The following GRIK1 variants were observed in gnomAD, a reference collection of about 807,000 sequenced individuals.
The protein encoded by GRIK1 is glutamate ionotropic receptor kainate type subunit 1.
A neutral mutation model predicts 105.7 loss-of-function variants in GRIK1; 69 were observed. That is an observed-to-expected ratio of 0.65 (90% CI 0.54 to 0.80). The LOEUF is 0.80. Ranked by LOEUF, GRIK1 falls within the 30% of genes least tolerant of loss-of-function variation. GRIK1 has a pLI of 0.00. For missense variants in GRIK1, 1,109 were observed against 1,167.3 expected, an observed-to-expected ratio of 0.95 and a Z score of 0.73; for synonymous variants, 438 against 431.3, an observed-to-expected ratio of 1.02 and a Z score of -0.19.
intron 4 of GRIK1, 51 bp from the exon 5 acceptor site, chr21:29,654,914 A>ATTC: frequency 9.3e-7 from 1 of 1,071,926 alleles, no homozygotes; most frequent in Non-Finnish European, 1.5e-6. Context: ...TATAATAAGA[A>ATTC]TGGGATAATT....
intron 1 of GRIK1, among the ~76,000 whole-genome samples, chr21:29,754,937 A>G (rs1331825339): frequency 2.0e-5 from 3 of 151,752 alleles, no homozygotes; most frequent in African/African-American, 7.3e-5. Flanking sequence ...AATTCTTTGT[A>G]CTCTATCTAT....
intron 4 of GRIK1, among the ~76,000 whole-genome samples, chr21:29,660,728 G>A (rs549015893): frequency 1.3e-5 from 2 of 152,242 alleles, no homozygotes; most frequent in African/African-American, 2.4e-5. Context: ...TACTGACTAA[G>A]CCGAAGTGTA....
intron 1 of GRIK1, among the ~76,000 whole-genome samples, chr21:29,774,360 A>G (rs551492354): frequency 2.0e-5 from 3 of 152,014 alleles, no homozygotes; most frequent in African/African-American, 7.2e-5. Flanking sequence ...TTATGAGAGT[A>G]TATCACAGTT....
intron 1 of GRIK1, among the ~76,000 whole-genome samples, chr21:29,757,000 C>G (rs1477196874): frequency 6.6e-6 from 1 of 151,952 alleles, no homozygotes; most frequent in East Asian, 1.9e-4. Context: ...GCCTGTAATC[C>G]CAGCTACTTG....
At chr21:29,739,141 C>T (rs1159208640) in intron 1 of GRIK1, among the ~76,000 whole-genome samples, 1 of 152,104 alleles carries the variant, frequency 6.6e-6, no homozygotes, top group Non-Finnish European at 1.5e-5. Flanking sequence ...TAATGACAGG[C>T]AGTGAAAAGT....
rs545076345 is a variant in GRIK1 at position 29,808,995 on chromosome 21, C to T, written c.119-114932G>A. 6.6e-5 allele frequency among the ~76,000 whole-genome samples: 10 copies of T among 152,278 alleles called. No individual in the cohort carries two copies. The South Asian group carries it at 2.1e-3, about 32-fold the overall frequency. Reference sequence around the variant, plus strand: ...TTTAATAATTGGCTTTTCTCTCCATCCTTGACAATTTTTTCCCTCAAGTCA... The same window carrying T: ...TTTAATAATTGGCTTTTCTCTCCATTCTTGACAATTTTTTCCCTCAAGTCA... On this transcript the variant is annotated intron_variant, in intron 1 of 17. Transcript: ENST00000327783.
At chr21:29,915,184 AC>A (rs1270849081) in intron 1 of GRIK1, among the ~76,000 whole-genome samples, 12,800 of 144,738 alleles carry the variant, frequency 0.088, 1,574 homozygotes, top group African/African-American at 0.3. Context: ...ATGAATCCAG[AC>A]ACACACACAC....
chr21:29,642,851 G>T lies in GRIK1; in HGVS notation c.1073C>A (p.Pro358His). ...CHRHKPWRLG[P>H]RFMNLIKEAR... ...CTCTTTGATCAGGTTCATAAATCTG[G>T]GTCCGAGGCGCCATGGCTTATGTCT... The change falls in exon 7 of 18, where the codon CCC (proline) becomes CAC (histidine). Residue 358 changes from proline (P) to histidine (H), a missense_variant. Physicochemically the swap from Pro to His is moderately conservative, Grantham distance 77. This residue lies in a region of GRIK1 where 612 missense variants were observed against 586.0 expected (regional missense o/e 1.04). Transcript: ENST00000327783. 6.2e-7 allele frequency: 1 copy of T among 1,614,116 alleles called. No individual in the cohort carries two copies. The highest frequency in any genetic ancestry group is 8.5e-7 in the Non-Finnish European group (1 of 1,179,956).
chr21:29,746,370 A>C (rs1308325743), intron 1 of GRIK1, among the ~76,000 whole-genome samples: 4 of 152,248 alleles, frequency 2.6e-5, no homozygotes. Context: ...AAAACAGTGT[A>C]AGGGCAAGGA....
At chr21:29,663,317 T>C (rs1262284543) in intron 4 of GRIK1, among the ~76,000 whole-genome samples, 1 of 152,206 alleles carries the variant, frequency 6.6e-6, no homozygotes, top group Non-Finnish European at 1.5e-5. Context: ...CAAAGCTTTA[T>C]CTTAAGTAGG....
At chr21:29,790,864 C>T (rs1295585477) in intron 1 of GRIK1, among the ~76,000 whole-genome samples, 1 of 152,164 alleles carries the variant, frequency 6.6e-6, no homozygotes, top group Non-Finnish European at 1.5e-5. Context: ...CATTGCTTCA[C>T]GGAATTTACA....
intron 3 of GRIK1, among the ~76,000 whole-genome samples, chr21:29,683,384 T>A (rs2063419002): frequency 6.6e-6 from 1 of 152,220 alleles, no homozygotes; most frequent in Non-Finnish European, 1.5e-5. Flanking sequence ...TAGATGCCCA[T>A]CAGTGGTGGA....
chr21:29,837,981 G>T (rs959348673), intron 1 of GRIK1, among the ~76,000 whole-genome samples: 1 of 152,116 alleles, frequency 6.6e-6, no homozygotes, highest in Non-Finnish European at 1.5e-5. Context: ...AAAGGGAATA[G>T]GTTTGATTAT....
chr21:29,557,964 G>A (rs543347536), intron 15 of GRIK1, among the ~76,000 whole-genome samples: 13 of 152,266 alleles, frequency 8.5e-5, no homozygotes, highest in East Asian at 1.9e-4. Flanking sequence ...TCCAGGCTGC[G>A]CAATACCTAA....
chr21:29,705,873 C>CTTTTTTTTT (rs1325677911), intron 1 of GRIK1, among the ~76,000 whole-genome samples: 6 of 135,730 alleles, frequency 4.4e-5, no homozygotes, highest in Non-Finnish European at 8.0e-5. Context: ...CTTTTCTTTT[C>CTTTTTTTTT]TTTTTTTTTT....
intron 13 of GRIK1, among the ~76,000 whole-genome samples, chr21:29,578,607 G>A (rs756218123): frequency 5.9e-5 from 9 of 152,138 alleles, no homozygotes; most frequent in African/African-American, 9.7e-5. Flanking sequence ...GTTTGACAGC[G>A]ATTTGTGTTT....
chr21:29,862,772 T>A (rs1422385197), intron 1 of GRIK1, among the ~76,000 whole-genome samples: 1 of 152,224 alleles, frequency 6.6e-6, no homozygotes, highest in Non-Finnish European at 1.5e-5. Flanking sequence ...CCCTTGTTTG[T>A]AAAGACAGAT....
chr21:29,919,053 G>A (rs567148933), intron 1 of GRIK1, among the ~76,000 whole-genome samples: 2 of 151,988 alleles, frequency 1.3e-5, no homozygotes, highest in Admixed American at 6.6e-5. Context: ...AAGAAGAAGA[G>A]GCACTGAGAC....
intron 13 of GRIK1, among the ~76,000 whole-genome samples, chr21:29,577,825 A>AG (rs1255976002): frequency 1.3e-5 from 2 of 152,226 alleles, no homozygotes; most frequent in Admixed American, 6.5e-5. Context: ...TTGTACTTCA[A>AG]TAAAATGCTG....
Sources: allele counts gnomAD v4.1 joint callset (sites outside exome capture counted in the v4.1 genomes callset), GRCh38; gene constraint gnomAD v4.1.1; regional missense constraint gnomAD v4.1.1; transcripts MANE v1.5; gene names NCBI Gene and HGNC (gene_info 2026-07-23, HGNC 2026-07-21).